Variants in ELMOD2 observed in about 807,000 individuals in gnomAD.
ELMOD2 encodes the protein ELMO domain-containing protein 2.
A neutral mutation model predicts 41.0 loss-of-function variants in ELMOD2; 28 were observed. The ratio of observed to expected loss-of-function variants is 0.68; its 90% CI spans 0.51 to 0.94. ELMOD2 has a LOEUF of 0.94. Ranked by LOEUF, ELMOD2 falls within the 40% of genes least tolerant of loss-of-function variation. The pLI, the probability that ELMOD2 is intolerant of heterozygous loss-of-function variation, is 0.00. For missense variants in ELMOD2, 333 were observed against 343.1 expected (o/e 0.97, Z 0.23); for synonymous variants, 106 against 107.2 (o/e 0.99, Z 0.07).
chr4:140,549,234 CAT>C (rs761855201), intron 8 of ELMOD2, among the ~76,000 whole-genome samples: 1 of 152,018 alleles, frequency 6.6e-6, no homozygotes, highest in Non-Finnish European at 1.5e-5. Context: ...TAAAAATTGA[CAT>C]ATTAGCTCAT....
At chr4:140,528,347 T>A (rs1161416942) in intron 3 of ELMOD2, among the ~76,000 whole-genome samples, 1 of 152,158 alleles carries the variant, frequency 6.6e-6, no homozygotes, top group Admixed American at 6.5e-5. Flanking sequence ...TTTGTCTACA[T>A]GTAGATTATT....
rs768591795 is a variant in ELMOD2 at position 140,535,794 on chromosome 4, T to C, written c.233T>C (p.Met78Thr). The change falls in exon 4 of 9, where the codon ATG becomes ACG. Residue 78 changes from methionine to threonine, a missense_variant. Met to Thr is a moderately conservative substitution (Grantham distance 81, BLOSUM62 -1). Coordinates refer to ENST00000323570, the MANE Select transcript of ELMOD2 (RefSeq NM_153702.4). ...SEVDKYVDDI[M>T]KEKNINPEKD... ...GTGGACAAATATGTAGATGATATTA[T>C]GAAGGAAAAGAATATTAACCCTGAG... is the stretch of plus-strand genomic sequence containing the variant. 1.9e-6 allele frequency: 3 copies of C among 1,610,404 alleles called. No homozygotes were observed. The highest frequency in any genetic ancestry group is 2.2e-5 in the South Asian group (2 of 89,926).
chr4:140,526,417 A>T (rs568691457), intron 2 of ELMOD2, among the ~76,000 whole-genome samples: 52 of 152,330 alleles, frequency 3.4e-4, no homozygotes, highest in Admixed American at 2.0e-3. Context: ...CAGATGAGTA[A>T]GAACTGTGTT....
chr4:140,535,689 G>A lies in ELMOD2; in HGVS notation c.172-44G>A, dbSNP rs1734898567. 5.8e-6 allele frequency: 9 copies of A among 1,539,030 alleles called. No individual in the cohort carries two copies. The South Asian group carries it at 9.4e-5, about 16-fold the overall frequency. On this transcript the variant is annotated intron_variant, in intron 3 of 8. Transcript: ENST00000323570. Reference sequence around the variant, plus strand: ...ATGTCTCACAACTATGTCTTTTTCAGCTACAAAGAATTTTTCTCATTTGGC... The same window carrying A: ...ATGTCTCACAACTATGTCTTTTTCAACTACAAAGAATTTTTCTCATTTGGC...
intron 6 of ELMOD2, among the ~76,000 whole-genome samples, chr4:140,541,164 A>G (rs1735094648): frequency 6.6e-6 from 1 of 152,214 alleles, no homozygotes; most frequent in Admixed American, 6.5e-5. Flanking sequence ...ATTTCCTCCT[A>G]TAAGGATATG....
intron 3 of ELMOD2, among the ~76,000 whole-genome samples, chr4:140,533,926 T>TA (rs1243659364): frequency 6.6e-6 from 1 of 152,020 alleles, no homozygotes; most frequent in African/African-American, 2.4e-5. Flanking sequence ...AGACACTACA[T>TA]ACCTAAAAGT....
chr4:140,529,560 G>C (rs1266412195), intron 3 of ELMOD2, among the ~76,000 whole-genome samples: 1 of 152,088 alleles, frequency 6.6e-6, no homozygotes, highest in Non-Finnish European at 1.5e-5. Flanking sequence ...ACTCTTATCT[G>C]GTCCCCTTCA....
At chr4:140,543,428 A>G (rs1735168734) in intron 7 of ELMOD2, 25 bp from the exon 8 acceptor site, 2 of 1,577,706 alleles carry the variant, frequency 1.3e-6, no homozygotes, top group Non-Finnish European at 1.7e-6. Flanking sequence ...GCTAGCTGGT[A>G]TAACTGGTAA....
At position 140,551,219 on chromosome 4, in the gene ELMOD2, C is replaced by A. The variant is rs936238263; in HGVS notation, c.*844C>A. Reference sequence around the variant, plus strand: ...AAAGAGATGTATTTGCCAAGAAAATCTTGATTATATAAAAGACAAAAAGAT... The same window carrying A: ...AAAGAGATGTATTTGCCAAGAAAATATTGATTATATAAAAGACAAAAAGAT... On this transcript the variant is annotated 3_prime_UTR_variant, in exon 9 of 9. Coordinates refer to ENST00000323570, the MANE Select transcript of ELMOD2 (RefSeq NM_153702.4). 3.3e-5 allele frequency: 5 copies of A among 151,912 alleles called. No individual in the cohort carries two copies. Among genetic ancestry groups the A allele is most frequent in the African/African-American group, 1.2e-4 (5 of 41,372 alleles). The allele number at this position is 151,912 out of a possible 1,614,324, so 9.4% of individuals were successfully genotyped here.
At chr4:140,547,472 G>A (rs1735326542) in intron 8 of ELMOD2, among the ~76,000 whole-genome samples, 1 of 151,998 alleles carries the variant, frequency 6.6e-6, no homozygotes. Context: ...GGTCTAGGAT[G>A]TCTCCATTCT....
chr4:140,538,324 C>T (rs571608690), intron 5 of ELMOD2, among the ~76,000 whole-genome samples: 1 of 152,064 alleles, frequency 6.6e-6, no homozygotes, highest in Admixed American at 6.6e-5. Context: ...AAGAAAATAG[C>T]GCATTGCAGT....
rs1448647512 is a variant in ELMOD2, at chr4:140,527,361, T to G, written c.143-105T>G. 7.0e-6 allele frequency: 6 copies of G among 860,262 alleles called. No homozygotes were observed. In the African/African-American group the frequency reaches 1.0e-4, roughly 15 times the overall value. 53.3% of individuals were successfully genotyped at this position (860,262 alleles called of 1,614,324 possible). On this transcript the variant is annotated intron_variant, in intron 2 of 8. Transcript: ENST00000323570. ...ATATAGAAATTATATCTCCTGGAAC[T>G]ATTAGTTTGTTACTGGTTTGATATT...
chr4:140,549,202 A>T (rs1398743599), intron 8 of ELMOD2, among the ~76,000 whole-genome samples: 2 of 152,140 alleles, frequency 1.3e-5, no homozygotes, highest in Admixed American at 6.5e-5. Context: ...GTGTATTAAT[A>T]GCTTTTTTAT....
intron 1 of ELMOD2, chr4:140,525,198 A>G: frequency 2.4e-6 from 1 of 412,378 alleles, no homozygotes; most frequent in Non-Finnish European, 4.3e-6. Flanking sequence ...ACATTGTTTG[A>G]ATTTTAGTTT....
At chr4:140,537,911 T>C (rs1438689233) in intron 5 of ELMOD2, among the ~76,000 whole-genome samples, 2 of 152,032 alleles carry the variant, frequency 1.3e-5, no homozygotes, top group Non-Finnish European at 2.9e-5. Context: ...AAATTGCTCA[T>C]ATAAGTTAAG....
intron 3 of ELMOD2, among the ~76,000 whole-genome samples, chr4:140,529,037 C>G (rs563070617): frequency 6.6e-6 from 1 of 152,230 alleles, no homozygotes; most frequent in East Asian, 1.9e-4. Flanking sequence ...TATTTCAGGT[C>G]CATTACAAGA....
intron 8 of ELMOD2, 78 bp from the exon 9 acceptor site, chr4:140,550,152 T>C: frequency 8.0e-7 from 1 of 1,245,680 alleles, no homozygotes; most frequent in Non-Finnish European, 1.1e-6. Context: ...AGGATGGTTA[T>C]ATACTTTGTA....
chr4:140,535,980 C>A, intron 4 of ELMOD2, 150 bp downstream of exon 4: 2 of 685,662 alleles, frequency 2.9e-6, no homozygotes, highest in Non-Finnish European at 4.7e-6. Flanking sequence ...CAGTTGAGAT[C>A]CAGAGAGGGC....
intron 3 of ELMOD2, among the ~76,000 whole-genome samples, chr4:140,531,966 T>G (rs1734762084): frequency 6.6e-6 from 1 of 152,138 alleles, no homozygotes. Context: ...ACTATTACAT[T>G]AACTCCTAGG....
Sources: allele counts gnomAD v4.1 joint callset (sites outside exome capture counted in the v4.1 genomes callset), GRCh38; gene constraint gnomAD v4.1.1; transcripts MANE v1.5; gene names NCBI Gene and HGNC (gene_info 2026-07-23, HGNC 2026-07-21).